Variants in NOL11 observed in about 807,000 individuals in gnomAD.
NOL11 encodes the protein nucleolar protein 11.
NOL11 carries 42 observed loss-of-function variants against 93.0 expected under a neutral mutation model. That is an observed-to-expected ratio of 0.45 (90% CI 0.35 to 0.58). NOL11 has a LOEUF of 0.58. Among genes scored for constraint, NOL11 ranks in the 20% least tolerant of loss-of-function variants. The pLI, the probability that NOL11 is intolerant of heterozygous loss-of-function variation, is 0.00. For missense variants in NOL11, 775 were observed against 841.8 expected, an observed-to-expected ratio of 0.92 and a Z score of 0.98; for synonymous variants, 296 against 293.7, an observed-to-expected ratio of 1.01 and a Z score of -0.08.
Position 67,739,677 on chromosome 17 carries a change from A to C in NOL11, c.1935+69A>C. ...GTGAAAAAAAGTTGTATTCAAGGTC[A>C]GCACCTGCATTCAAGAGCTGACTTC... On this transcript the variant is annotated intron_variant, in intron 16 of 17. Coordinates refer to ENST00000253247, the MANE Select transcript of NOL11 (RefSeq NM_015462.5). 1.9e-5 allele frequency: 18 copies of C among 955,794 alleles called. 1 individual carries two copies. The South Asian group carries it at 2.6e-4, about 14-fold the overall frequency. The allele number at this position is 955,794 out of a possible 1,614,324, so 59.2% of individuals were successfully genotyped here. A position where few individuals can be genotyped will look rare whatever the true frequency, so the allele number is the denominator to read the frequency against.
intron 12 of NOL11, 60 bp from the exon 13 acceptor site, chr17:67,737,787 A>G (rs762552021): frequency 8.9e-5 from 141 of 1,584,888 alleles, no homozygotes; most frequent in African/African-American, 2.0e-4. Context: ...AGGCTTATAA[A>G]TGTTCTGCAG....
intron 7 of NOL11, among the ~76,000 whole-genome samples, chr17:67,732,668 C>T (rs1026315207): frequency 2.0e-5 from 3 of 151,354 alleles, no homozygotes; most frequent in Non-Finnish European, 4.4e-5. Flanking sequence ...CTGCCTCCCG[C>T]GTTCAAGCAG....
chr17:67,732,090 A>G (rs950258588), intron 7 of NOL11, among the ~76,000 whole-genome samples: 1 of 152,158 alleles, frequency 6.6e-6, no homozygotes, highest in Admixed American at 6.6e-5. Flanking sequence ...AAGTCTTCCA[A>G]TTGCTGAACA....
At chr17:67,728,006 A>G (rs962621815) in intron 7 of NOL11, among the ~76,000 whole-genome samples, 1 of 151,936 alleles carries the variant, frequency 6.6e-6, no homozygotes, top group African/African-American at 2.4e-5. Flanking sequence ...CATGCCTGTA[A>G]TCCCAGCACT....
intron 16 of NOL11, among the ~76,000 whole-genome samples, chr17:67,741,652 A>G (rs1222514081): frequency 6.6e-6 from 1 of 151,808 alleles, no homozygotes; most frequent in Non-Finnish European, 1.5e-5. Context: ...GCTTACTGCA[A>G]TCTCCACCTC....
intron 7 of NOL11, among the ~76,000 whole-genome samples, chr17:67,729,100 GT>G (rs35495596): frequency 0.82 from 118,360 of 144,290 alleles, 48,149 homozygotes; most frequent in Non-Finnish European, 0.87. Context: ...TGTTGTTGTT[GT>G]TTTTTTTTTT....
At chr17:67,722,248 TTTC>T (rs1181882200) in intron 4 of NOL11, among the ~76,000 whole-genome samples, 18 of 152,292 alleles carry the variant, frequency 1.2e-4, no homozygotes, top group African/African-American at 4.3e-4. Context: ...ATCTTAATGT[TTTC>T]CTCAGAACAC....
chr17:67,738,643 G>GC, intron 14 of NOL11: 2 of 459,274 alleles, frequency 4.4e-6, no homozygotes, highest in African/African-American at 2.0e-5. Flanking sequence ...ACCAGCCTGG[G>GC]CAACATGGCG....
chr17:67,725,673 A>G (rs1006130380), intron 6 of NOL11, among the ~76,000 whole-genome samples: 6 of 152,214 alleles, frequency 3.9e-5, no homozygotes, highest in Admixed American at 2.6e-4. Context: ...TGTGCACCAA[A>G]GGGTTATATA....
At position 67,743,879 on chromosome 17, in the gene NOL11, T is replaced by A. The variant is rs774546452; in HGVS notation, c.*20T>A. ...TTCTGATATTATCAATTCTCCTTCA[T>A]AGACATTTTATAAAGCTCTTTTATG... On this transcript the variant is annotated 3_prime_UTR_variant, in exon 18 of 18. Transcript: ENST00000253247. The A allele has an allele frequency of 8.5e-7, 1 of 1,182,926 alleles. No homozygotes were observed. Among genetic ancestry groups the A allele is most frequent in the Non-Finnish European group, 1.2e-6 (1 of 828,118 alleles). The allele number at this position is 1,182,926 out of a possible 1,614,324, so 73.3% of individuals were successfully genotyped here.
intron 10 of NOL11, 77 bp downstream of exon 10, chr17:67,736,831 C>G: frequency 9.2e-7 from 1 of 1,087,236 alleles, no homozygotes; most frequent in Non-Finnish European, 1.4e-6. Context: ...TTTAATGAAT[C>G]ATATCCTTAC....
intron 7 of NOL11, among the ~76,000 whole-genome samples, chr17:67,727,549 CAG>C (rs985366152): frequency 1.1e-4 from 17 of 152,094 alleles, no homozygotes; most frequent in South Asian, 4.2e-4. Context: ...CCCAGCTACT[CAG>C]GGGGCTGAGG....
chr17:67,730,508 C>T (rs1207607945), intron 7 of NOL11, among the ~76,000 whole-genome samples: 1 of 152,216 alleles, frequency 6.6e-6, no homozygotes, highest in Non-Finnish European at 1.5e-5. Context: ...GATCCGCCCG[C>T]CTCAGCCTCC....
intron 7 of NOL11, among the ~76,000 whole-genome samples, chr17:67,728,247 A>G (rs1304242956): frequency 6.6e-6 from 1 of 152,180 alleles, no homozygotes; most frequent in Non-Finnish European, 1.5e-5. Context: ...GGGACAGAGC[A>G]AGACTCCGTC....
intron 6 of NOL11, 39 bp from the exon 7 acceptor site, chr17:67,726,421 A>T (rs767785885): frequency 4.5e-6 from 7 of 1,541,766 alleles, no homozygotes; most frequent in Admixed American, 3.9e-5. Flanking sequence ...ATATAGAAGT[A>T]TCCTTCAATA....
chr17:67,726,358 T>C, intron 6 of NOL11, 102 bp from the exon 7 acceptor site: 1 of 932,150 alleles, frequency 1.1e-6, no homozygotes, highest in Non-Finnish European at 1.5e-6. Flanking sequence ...GGTTGGCTGT[T>C]TTATCAAATT....
At chr17:67,741,138 C>T (rs1201877217) in intron 16 of NOL11, among the ~76,000 whole-genome samples, 4 of 152,122 alleles carry the variant, frequency 2.6e-5, no homozygotes, top group African/African-American at 4.8e-5. Flanking sequence ...GGCACGATCT[C>T]GGCTCACTGC....
intron 4 of NOL11, 106 bp downstream of exon 4, chr17:67,721,632 AATTAAAAATCACTTAC>A: frequency 1.1e-6 from 1 of 917,120 alleles, no homozygotes; most frequent in Non-Finnish European, 1.7e-6. Context: ...AAAGTAACCT[AATTAAAAATCACTTAC>A]AAAACACTGA....
At position 67,718,233 on chromosome 17, in the gene NOL11, A is replaced by C; in HGVS notation, c.141+145A>C. On this transcript the variant is annotated intron_variant, in intron 1 of 17. Coordinates refer to ENST00000253247, the MANE Select transcript of NOL11 (RefSeq NM_015462.5). ...CCGGCTGGGCCTGTTGGGGACGCTG[A>C]GTGAGGTCTGGAATCTGGCTTGCTT... 4.5e-6 allele frequency: 5 copies of C among 1,107,762 alleles called. No homozygotes were observed. The South Asian group carries it at 8.1e-5, about 18-fold the overall frequency. The allele number at this position is 1,107,762 out of a possible 1,614,324, so 68.6% of individuals were successfully genotyped here.
Sources: allele counts gnomAD v4.1 joint callset (sites outside exome capture counted in the v4.1 genomes callset), GRCh38; gene constraint gnomAD v4.1.1; transcripts MANE v1.5; gene names NCBI Gene and HGNC (gene_info 2026-07-23, HGNC 2026-07-21).